CIC: variants seen among roughly 807,000 people sequenced by gnomAD.
The protein encoded by CIC is capicua transcriptional repressor.
In CIC, 18 loss-of-function variants were observed where a neutral mutation model predicts 115.7. The observed-to-expected ratio is 0.16, with a 90% CI of 0.11 to 0.23. The LOEUF is 0.23. Among genes scored for constraint, CIC ranks in the 10% least tolerant of loss-of-function variants. The pLI is 1.00. For missense variants in CIC, 2,000 were observed against 2,159.3 expected, an observed-to-expected ratio of 0.93 and a Z score of 1.46; for synonymous variants, 1,076 against 923.0, an observed-to-expected ratio of 1.17 and a Z score of -3.01.
rs372165052 is a variant in CIC, at chr19:42,291,104, A to G, written c.5063A>G (p.Gln1688Arg). 76 of 1,611,946 alleles carry G rather than the reference A, an allele frequency of 4.7e-5. No homozygotes were observed. The highest frequency in any genetic ancestry group is 6.3e-5 in the Non-Finnish European group (74 of 1,178,672). ...GGGGCCCCTGCGCCCCCTGCTGTCC[A>G]GTTCATTGCCCAGGGGGCCCCTGGT... ...GYGAPAPPAV[Q>R]FIAQGAPGGG... The change falls in exon 11 of 21, where the codon CAG becomes CGG. Residue 1688 changes from glutamine to arginine, a missense_variant. By Grantham distance (43) the Gln-to-Arg change is conservative. Transcript: ENST00000681038.
At chr19:42,288,459 C>T (rs1023334221) in intron 7 of CIC, among the ~76,000 whole-genome samples, 2 of 152,250 alleles carry the variant, frequency 1.3e-5, no homozygotes, top group South Asian at 2.1e-4. Context: ...GTGTGCCTGG[C>T]GGTGTTCTGG....
At chr19:42,278,416 T>C (rs1394705499) in intron 2 of CIC, among the ~76,000 whole-genome samples, 1 of 152,234 alleles carries the variant, frequency 6.6e-6, no homozygotes, top group Non-Finnish European at 1.5e-5. Flanking sequence ...TATATCTCTC[T>C]GGTCTCCTAT....
In CIC at chr19:42,290,538, C is replaced by T; in HGVS notation, c.4497C>T (p.Phe1499=). Residue 1499 remains phenylalanine, a synonymous_variant, in exon 11 of 21, where the codon TTC becomes TTT. Coordinates refer to ENST00000681038, the MANE Select transcript of CIC (RefSeq NM_001386298.1). The stretch of plus-strand genomic sequence containing the variant: ...CGACACCTTCCAAGGCAACCCGGTT[C>T]CTCCCAATGGATCCTGCCACCTTCC... The part of the protein sequence containing the change: ...GPATPSKATR[F]LPMDPATFRR... The T allele has an allele frequency of 6.2e-7, 1 of 1,613,484 alleles. No individual in the cohort carries two copies. Among genetic ancestry groups the T allele is most frequent in the Non-Finnish European group, 8.5e-7 (1 of 1,179,870 alleles).
rs1390220806 is a variant in CIC, at chr19:42,280,351, G to T, written c.2794+5774G>T. On this transcript the variant is annotated intron_variant, in intron 2 of 20. Coordinates refer to ENST00000681038, the MANE Select transcript of CIC (RefSeq NM_001386298.1). The surrounding 1 kb of genome is among the most constrained non-coding windows in gnomAD (Gnocchi z 4.9). ...TTCTTGCGAAGTAGTCGGGGAAACCGGGTGCTCCGGGGGCTGTGTAGAAGC... is the reference window on the plus strand; with the variant it reads ...TTCTTGCGAAGTAGTCGGGGAAACCTGGTGCTCCGGGGGCTGTGTAGAAGC... The T allele has an allele frequency of 6.6e-6, 1 of 152,196 alleles. No individual in the cohort carries two copies. The highest frequency in any genetic ancestry group is 1.5e-5 in the Non-Finnish European group (1 of 68,034). 9.4% of individuals were successfully genotyped at this position (152,196 alleles called of 1,614,324 possible). A position where few individuals can be genotyped will look rare whatever the true frequency, so the allele number is the denominator to read the frequency against.
chr19:42,275,822 TTTTA>T (rs1308988083), intron 2 of CIC, among the ~76,000 whole-genome samples: 1 of 152,168 alleles, frequency 6.6e-6, no homozygotes, highest in Non-Finnish European at 1.5e-5. Flanking sequence ...CCTTATTTAT[TTTTA>T]TTTATTTATT....
At chr19:42,282,121 T>C (rs1255789846) in intron 2 of CIC, among the ~76,000 whole-genome samples, 2 of 152,156 alleles carry the variant, frequency 1.3e-5, no homozygotes, top group Non-Finnish European at 2.9e-5. Context: ...ATGGAGGGTC[T>C]GAGTCTGGGG....
intron 2 of CIC, chr19:42,284,520 G>A (rs2037464094): frequency 6.2e-6 from 1 of 161,256 alleles, no homozygotes; most frequent in African/African-American, 2.4e-5. Context: ...GCTGTGCGCA[G>A]GCGCGCCCGG....
chr19:42,276,017 C>G lies in CIC; in HGVS notation c.2794+1440C>G, dbSNP rs563487219. On this transcript the variant is annotated intron_variant, in intron 2 of 20. Transcript: ENST00000681038. ...GGAGGAAGCCAGGAGGCCGTGGGAG[C>G]CCAGAGAAGATGCCTGTCCAGCCTG... 1.9e-4 allele frequency among the ~76,000 whole-genome samples: 29 copies of G among 152,196 alleles called. No homozygotes were observed. The South Asian group carries it at 6.0e-3, about 32-fold the overall frequency.
rs1416050357 is a variant in CIC, at chr19:42,270,614, G to A, written c.-10-1160G>A. Among the ~76,000 whole-genome samples the A allele has an allele frequency of 6.6e-6, 1 of 152,182 alleles. No individual in the cohort carries two copies. The highest frequency in any genetic ancestry group is 2.4e-5 in the African/African-American group (1 of 41,446). ...CTTATCCCACCTATCCCCACTTGGA[G>A]TTGGAGGGCATATTTGGGGGCCTGC... is the stretch of plus-strand genomic sequence containing the variant. On this transcript the variant is annotated intron_variant, in intron 1 of 20. Transcript: ENST00000681038. The surrounding 1 kb of genome is among the most constrained non-coding windows in gnomAD (Gnocchi z 4.1).
intron 2 of CIC, chr19:42,284,864 A>G (rs1160900528): frequency 1.8e-6 from 2 of 1,122,868 alleles, no homozygotes; most frequent in Non-Finnish European, 2.6e-6. Context: ...AGGGGAGAGA[A>G]CAGTAGAGGC....
At chr19:42,291,530 T>A (rs377710973) in intron 11 of CIC, 28 bp from the exon 12 acceptor site, 3 of 1,612,986 alleles carry the variant, frequency 1.9e-6, no homozygotes, top group Non-Finnish European at 2.5e-6. Context: ...CCTTGTAACC[T>A]TTTCCTTTCT....
chr19:42,273,973 A>G lies in CIC; in HGVS notation c.2190A>G (p.Ala730=). Residue 730 remains alanine (A), a synonymous_variant, in exon 2 of 21, where the codon GCA becomes GCG. Transcript: ENST00000681038. ...CAGGGGCCTTGGGGGCCCCTGGCGC[A>G]GGGGGTGGAGGAGCCGCCCCAGACT... ...PHPGALGAPG[A]GGGGAAPDFP... 1 of 398,802 alleles carries G rather than the reference A, an allele frequency of 2.5e-6. No homozygotes were observed. The highest frequency in any genetic ancestry group is 4.4e-5 in the Admixed American group (1 of 22,748). 24.7% of individuals were successfully genotyped at this position (398,802 alleles called of 1,614,324 possible).
Position 42,270,129 on chromosome 19 carries a change from A to G in CIC, c.-11+748A>G, listed in dbSNP as rs544529507. ...GGTATGCAAAGGTTTGTGCTTGGAA[A>G]AAACTGGAGCCAGATCTCAGTCCCC... On this transcript the variant is annotated intron_variant, in intron 1 of 20. Coordinates refer to ENST00000681038, the MANE Select transcript of CIC (RefSeq NM_001386298.1). The surrounding 1 kb of genome is among the most constrained non-coding windows in gnomAD (Gnocchi z 4.1). 6.6e-6 allele frequency among the ~76,000 whole-genome samples: 1 copy of G among 152,290 alleles called. No homozygotes were observed. Among genetic ancestry groups the G allele is most frequent in the East Asian group, 1.9e-4 (1 of 5,188 alleles).
At chr19:42,290,103 T>G in intron 10 of CIC, 130 bp from the exon 11 acceptor site, 5 of 1,457,978 alleles carry the variant, frequency 3.4e-6, no homozygotes, top group Non-Finnish European at 4.8e-6. Flanking sequence ...CAGGATGAAT[T>G]GAGGCCTTCA....
At chr19:42,279,987 A>C (rs1346592990) in intron 2 of CIC, 1 of 152,724 alleles carries the variant, frequency 6.5e-6, no homozygotes, top group East Asian at 1.9e-4. Flanking sequence ...CATGCGCGGC[A>C]GAGGGGGTTG....
intron 2 of CIC, among the ~76,000 whole-genome samples, chr19:42,275,337 T>C (rs1253889406): frequency 6.6e-6 from 1 of 152,240 alleles, no homozygotes; most frequent in Non-Finnish European, 1.5e-5. Flanking sequence ...TGCTGGGCAC[T>C]TCTCCAGGTG....
chr19:42,293,499 G>A, intron 16 of CIC, 93 bp from the exon 17 acceptor site: 3 of 1,595,344 alleles, frequency 1.9e-6, no homozygotes, highest in Non-Finnish European at 2.6e-6. Flanking sequence ...CAAGGGGTCT[G>A]CTGGGCGGGC....
At position 42,289,370 on chromosome 19, in the gene CIC, G is replaced by A. The variant is rs772102175; in HGVS notation, c.4051G>A (p.Val1351Ile). 6.2e-7 allele frequency: 1 copy of A among 1,609,352 alleles called. No homozygotes were observed. Among genetic ancestry groups the A allele is most frequent in the African/African-American group, 1.3e-5 (1 of 74,904 alleles). ...CATGACGAGTGATGAGGAGCGCATGGTCATCTGTGAGGAGGAAGGGGATGA... is the reference window on the plus strand; with the variant it reads ...CATGACGAGTGATGAGGAGCGCATGATCATCTGTGAGGAGGAAGGGGATGA... Reference protein sequence around the residue: ...EDMTSDEERMVICEEEGDDDV... With the variant: ...EDMTSDEERMIICEEEGDDDV... Residue 1351 changes from valine (V) to isoleucine (I), a missense_variant, in exon 9 of 21, where the codon GTC becomes ATC. By Grantham distance (29) the Val-to-Ile change is conservative (BLOSUM62 3). Transcript: ENST00000681038.
rs1568515691 is a variant in CIC, at chr19:42,290,878, A to G, written c.4837A>G (p.Thr1613Ala). The G allele has an allele frequency of 6.2e-7, 1 of 1,613,106 alleles. No individual in the cohort carries two copies. ...CCGGGCTGAGGCGTCTCCAAATGAC[A>G]CAGCAGGTGCCAGGACTGAAATGGG... Reference protein sequence around the residue: ...SGRAEASPNDTAGARTEMGTG... With the variant: ...SGRAEASPNDAAGARTEMGTG... The change falls in exon 11 of 21, where the codon ACA becomes GCA. Residue 1613 changes from threonine (T) to alanine (A), a missense_variant. This residue lies in a region of CIC where 1,466 missense variants were observed against 1,390.4 expected (regional missense o/e 1.05). Transcript: ENST00000681038.
Sources: allele counts gnomAD v4.1 joint callset (sites outside exome capture counted in the v4.1 genomes callset), GRCh38; gene constraint gnomAD v4.1.1; regional missense constraint gnomAD v4.1.1; non-coding constraint Gnocchi (gnomAD v3.1); transcripts MANE v1.5; gene names NCBI Gene and HGNC (gene_info 2026-07-23, HGNC 2026-07-21).